The following OR2L13 variants were observed in gnomAD, a reference collection of about 807,000 sequenced individuals.
The protein encoded by OR2L13 is olfactory receptor 2L13.
A neutral mutation model predicts 15.3 loss-of-function variants in OR2L13; 14 were observed. The ratio of observed to expected loss-of-function variants is 0.91; its 90% CI spans 0.60 to 1.43. The LOEUF (loss-of-function observed/expected upper bound fraction) is 1.43, where lower values mean the gene tolerates loss of function less well. Among genes scored for constraint, OR2L13 ranks in the 40% most tolerant of loss-of-function variants. The pLI is 0.00. For synonymous variants in OR2L13, 152 were observed against 142.9 expected, an observed-to-expected ratio of 1.06 and a Z score of -0.45; for missense variants, 367 against 387.9, an observed-to-expected ratio of 0.95 and a Z score of 0.45.
At chr1:248,084,387 A>G in the OR2L13 span, 1 of 1,613,394 alleles carries the variant, frequency 6.2e-7, no homozygotes, top group South Asian at 1.1e-5. Context: ...GGAAACCAGC[A>G]TCACGTCCAT....
the OR2L13 span, chr1:248,084,407 T>C: frequency 9.3e-6 from 15 of 1,611,752 alleles, no homozygotes; most frequent in Non-Finnish European, 1.3e-5. Flanking sequence ...TGAGGGAGAG[T>C]TGGCTCAGGA....
chr1:248,075,218 C>T, the OR2L13 span, among the ~76,000 whole-genome samples: 1 of 152,224 alleles, frequency 6.6e-6, no homozygotes, highest in Non-Finnish European at 1.5e-5. Context: ...TTTTTTATGG[C>T]TGCATAGTAT....
chr1:247,991,119 C>G, the OR2L13 span: 1 of 1,606,334 alleles, frequency 6.2e-7, no homozygotes, highest in African/African-American at 1.3e-5. Context: ...CTCCAATGCT[C>G]AACCCCATCA....
chr1:248,083,453 A>G, the OR2L13 span: 1 of 584,546 alleles, frequency 1.7e-6, no homozygotes, highest in Non-Finnish European at 3.0e-6. Flanking sequence ...CACTTGAAGA[A>G]AAGCACATAA....
the OR2L13 span, among the ~76,000 whole-genome samples, chr1:247,985,950 T>C: frequency 6.6e-6 from 1 of 152,216 alleles, no homozygotes; most frequent in Non-Finnish European, 1.5e-5. Context: ...CACTTTTTGA[T>C]GGGGTTGTTT....
chr1:248,063,270 T>G, the OR2L13 span: 1 of 152,266 alleles, frequency 6.6e-6, no homozygotes, highest in Non-Finnish European at 1.5e-5. Context: ...TCACCAGTGA[T>G]TTGTACAAAT....
the OR2L13 span, among the ~76,000 whole-genome samples, chr1:248,002,260 C>G: frequency 2.0e-5 from 3 of 152,044 alleles, no homozygotes; most frequent in African/African-American, 4.8e-5. Flanking sequence ...TTTATTAGGG[C>G]AAATATACAT....
upstream of OR2L13, among the ~76,000 whole-genome samples, chr1:248,093,312 A>G (rs1336720712): frequency 2.0e-5 from 3 of 152,174 alleles, no homozygotes; most frequent in African/African-American, 7.2e-5. Context: ...CATAAATCTG[A>G]GATGTATTGT....
the OR2L13 span, among the ~76,000 whole-genome samples, chr1:248,028,872 C>A: frequency 6.6e-6 from 1 of 152,178 alleles, no homozygotes; most frequent in Non-Finnish European, 1.5e-5. Flanking sequence ...CCTCCTCTTT[C>A]AGCACATATA....
the OR2L13 span, chr1:248,021,934 C>A: frequency 1.3e-6 from 2 of 1,596,196 alleles, no homozygotes; most frequent in Non-Finnish European, 8.6e-7. Context: ...CAGGAAGGAT[C>A]GTATGAATGC....
the OR2L13 span, among the ~76,000 whole-genome samples, chr1:247,993,122 T>C: frequency 2.0e-5 from 3 of 152,276 alleles, no homozygotes; most frequent in South Asian, 4.1e-4. Context: ...TCTCTGATGA[T>C]TGGTGATGCT....
the OR2L13 span, among the ~76,000 whole-genome samples, chr1:247,960,713 G>T: frequency 6.6e-6 from 1 of 152,168 alleles, no homozygotes; most frequent in Admixed American, 6.5e-5. Flanking sequence ...AATGAGTGAG[G>T]CTCCGTTGGC....
chr1:248,002,581 A>G, the OR2L13 span, among the ~76,000 whole-genome samples: 22 of 152,342 alleles, frequency 1.4e-4, no homozygotes, highest in South Asian at 6.2e-4. Flanking sequence ...TATACAGGCC[A>G]GGCGCAGTGG....
the OR2L13 span, chr1:247,949,818 T>A: frequency 1.3e-6 from 2 of 1,577,396 alleles, no homozygotes; most frequent in South Asian, 2.3e-5. Flanking sequence ...GCCTAAGGTC[T>A]CAGGACTCAG....
chr1:247,944,726 G>A, the OR2L13 span, among the ~76,000 whole-genome samples: 4 of 152,098 alleles, frequency 2.6e-5, no homozygotes, highest in African/African-American at 9.7e-5. Context: ...CATTTGGGTT[G>A]ATTCCACATC....
chr1:247,985,562 A>G, the OR2L13 span, among the ~76,000 whole-genome samples: 1 of 152,210 alleles, frequency 6.6e-6, no homozygotes, highest in Non-Finnish European at 1.5e-5. Flanking sequence ...TAGTGCCACA[A>G]TAAACATACG....
the OR2L13 span, among the ~76,000 whole-genome samples, chr1:248,025,119 G>A: frequency 6.7e-6 from 1 of 149,784 alleles, no homozygotes; most frequent in Non-Finnish European, 1.5e-5. Flanking sequence ...AAACTAAAGA[G>A]CTTCTGCACA....
chr1:248,088,988 A>G, the OR2L13 span, among the ~76,000 whole-genome samples: 1 of 152,062 alleles, frequency 6.6e-6, no homozygotes, highest in Admixed American at 6.5e-5. Context: ...CCTGACACTG[A>G]CCGGAGTCTG....
the OR2L13 span, among the ~76,000 whole-genome samples, chr1:248,027,448 C>T: frequency 6.6e-6 from 1 of 152,106 alleles, no homozygotes; most frequent in African/African-American, 2.4e-5. Context: ...TGACCCACAC[C>T]CTATTTGTAC....
Sources: gnomAD v4.1 joint callset for allele counts (sites outside exome capture counted in the v4.1 genomes callset) on GRCh38, gnomAD v4.1.1 for gene constraint, MANE v1.5 for transcripts, NCBI Gene and HGNC (gene_info 2026-07-23, HGNC 2026-07-21) for gene names.